The following DERA variants were observed in gnomAD, a reference collection of about 807,000 sequenced individuals.
DERA encodes 2-deoxy-D-ribose 5-phosphate aldolase.
A neutral mutation model predicts 41.1 loss-of-function variants in DERA; 15 were observed. That is an observed-to-expected ratio of 0.37 (90% confidence interval 0.24 to 0.56). DERA has a LOEUF of 0.56. Among genes scored for constraint, DERA ranks in the 20% least tolerant of loss-of-function variants. DERA has a pLI of 0.81. For missense variants in DERA, 396 were observed against 403.4 expected, an observed-to-expected ratio of 0.98 and a Z score of 0.16; for synonymous variants, 139 against 137.4, an observed-to-expected ratio of 1.01 and a Z score of -0.08.
At chr12:16,024,029 A>T (rs936621942) in intron 6 of DERA, among the ~76,000 whole-genome samples, 1 of 152,232 alleles carries the variant, frequency 6.6e-6, no homozygotes, top group African/African-American at 2.4e-5. Context: ...TACATCAGTA[A>T]GCTGGAAACT....
rs2136137730 is a variant in DERA, at chr12:15,943,848, AC to A, written c.32-13087del. ...TAGCCATTAACTCGTCATTTACATTACGTATTTCTCCTAATGCTATCCCTCC... is the reference window on the plus strand; with the variant it reads ...TAGCCATTAACTCGTCATTTACATTAGTATTTCTCCTAATGCTATCCCTCC... On this transcript the variant is annotated intron_variant, in intron 1 of 8. Coordinates refer to ENST00000428559, the MANE Select transcript of DERA (RefSeq NM_015954.4). The surrounding 1 kb of genome is among the most constrained non-coding windows in gnomAD (Gnocchi z 4.5). Among the ~76,000 whole-genome samples the A allele has an allele frequency of 6.6e-6, 1 of 150,766 alleles. No individual in the cohort carries two copies. Among genetic ancestry groups the A allele is most frequent in the African/African-American group, 2.4e-5 (1 of 41,106 alleles).
rs924858009 is a variant in DERA at position 15,954,376 on chromosome 12, T to G, written c.32-2560T>G. On this transcript the variant is annotated intron_variant, in intron 1 of 8. Coordinates refer to ENST00000428559, the MANE Select transcript of DERA (RefSeq NM_015954.4). The surrounding 1 kb of genome is among the most constrained non-coding windows in gnomAD (Gnocchi z 4.0). The stretch of plus-strand genomic sequence containing the variant: ...TCAGTGGCATTCTGAGTGAAGGGGA[T>G]GTACTAAAGGTGGAATGCAGAGTTT... 6.6e-6 allele frequency among the ~76,000 whole-genome samples: 1 copy of G among 152,112 alleles called. No homozygotes were observed. The highest frequency in any genetic ancestry group is 2.4e-5 in the African/African-American group (1 of 41,414).
At chr12:15,953,470 A>G (rs527697566) in intron 1 of DERA, among the ~76,000 whole-genome samples, 2 of 152,178 alleles carry the variant, frequency 1.3e-5, no homozygotes, top group Non-Finnish European at 2.9e-5. Flanking sequence ...ATAATAATAA[A>G]TTGTGAGAAG....
intron 1 of DERA, among the ~76,000 whole-genome samples, chr12:15,925,822 CTTT>C (rs35956433): frequency 0.025 from 2,378 of 95,036 alleles, 43 homozygotes; most frequent in African/African-American, 0.095. Context: ...ACTCCTGAGG[CTTT>C]TTTTTTTTTT....
In DERA at chr12:15,982,515, C is replaced by A; in HGVS notation, c.637+79C>A. ...AAATTAAGTAAGTGAAAGCATTTAG[C>A]TATTATTAAACGTGCTAACCACTTG... On this transcript the variant is annotated intron_variant, in intron 6 of 8. Coordinates refer to ENST00000428559, the MANE Select transcript of DERA (RefSeq NM_015954.4). This position sits in a 1 kb window ranked among gnomAD's most constrained non-coding sequence, Gnocchi z 4.0. 1 of 1,447,088 alleles carries A rather than the reference C, an allele frequency of 6.9e-7. No individual in the cohort carries two copies. The highest frequency in any genetic ancestry group is 9.2e-7 in the Non-Finnish European group (1 of 1,082,530). The allele number at this position is 1,447,088 out of a possible 1,614,324, so 89.6% of individuals were successfully genotyped here. A position where few individuals can be genotyped will look rare whatever the true frequency, so the allele number is the denominator to read the frequency against.
rs925966649 is a variant in DERA, at chr12:15,995,066, T to C, written c.637+12630T>C. On this transcript the variant is annotated intron_variant, in intron 6 of 8. Coordinates refer to ENST00000428559, the MANE Select transcript of DERA (RefSeq NM_015954.4). This position sits in a 1 kb window ranked among gnomAD's most constrained non-coding sequence, Gnocchi z 5.1. ...CTTTTGACTCTAAACTCCATGCTTT[T>C]ATTAATGCACAACCCTGCTCTCTAT... 3.3e-5 allele frequency among the ~76,000 whole-genome samples: 5 copies of C among 152,216 alleles called. No homozygotes were observed. The highest frequency in any genetic ancestry group is 7.3e-5 in the Non-Finnish European group (5 of 68,042).
chr12:16,003,189 C>T lies in DERA; in HGVS notation c.637+20753C>T, dbSNP rs539292402. Among the ~76,000 whole-genome samples, 2 of 152,282 alleles carry T rather than the reference C, an allele frequency of 1.3e-5. No individual in the cohort carries two copies. The highest frequency in any genetic ancestry group is 4.1e-4 in the South Asian group (2 of 4,824). ...TTTCTTGGCTTGTAGAAGCCTCACCCTGGTCTCTGCCTTTGTGATGATATG... is the reference window on the plus strand; with the variant it reads ...TTTCTTGGCTTGTAGAAGCCTCACCTTGGTCTCTGCCTTTGTGATGATATG... On this transcript the variant is annotated intron_variant, in intron 6 of 8. Transcript: ENST00000428559. The surrounding 1 kb of genome is among the most constrained non-coding windows in gnomAD (Gnocchi z 4.8).
At chr12:16,006,182 T>A (rs896553095) in intron 6 of DERA, among the ~76,000 whole-genome samples, 1 of 152,216 alleles carries the variant, frequency 6.6e-6, no homozygotes, top group Non-Finnish European at 1.5e-5. Context: ...GAGCTGAGAC[T>A]GTAGGTGACA....
intron 6 of DERA, among the ~76,000 whole-genome samples, chr12:16,005,915 C>G (rs926945286): frequency 1.3e-5 from 2 of 152,164 alleles, no homozygotes; most frequent in African/African-American, 4.8e-5. Flanking sequence ...CATAAGCATG[C>G]AGGTATAAGT....
rs200017246 is a variant in DERA at position 15,976,808 on chromosome 12, GA to G, written c.509-5495del. ...AAGCTCTCCTATCTAATCTTGAGGA[GA>G]AAAATGAAGCTTGGAGAGGTTCAGT... On this transcript the variant is annotated intron_variant, in intron 5 of 8. Coordinates refer to ENST00000428559, the MANE Select transcript of DERA (RefSeq NM_015954.4). The surrounding 1 kb of genome is among the most constrained non-coding windows in gnomAD (Gnocchi z 4.1). 9.5e-3 allele frequency among the ~76,000 whole-genome samples: 1,448 copies of G among 152,224 alleles called. 24 individuals carry two copies. The highest frequency in any genetic ancestry group is 0.034 in the African/African-American group (1,399 of 41,524).
At position 16,022,505 on chromosome 12, in the gene DERA, C is replaced by T. The variant is rs911953069; in HGVS notation, c.638-10037C>T. On this transcript the variant is annotated intron_variant, in intron 6 of 8. Transcript: ENST00000428559. ...ATAACTACCAGATACATTCTTATTT[C>T]CCCCCACACCTAATCTCTAGACAAT... Among the ~76,000 whole-genome samples the T allele has an allele frequency of 3.9e-5, 6 of 152,190 alleles. 1 individual carries two copies. The South Asian group carries it at 1.2e-3, about 32-fold the overall frequency.
Position 15,984,177 on chromosome 12 carries a change from G to A in DERA, c.637+1741G>A, listed in dbSNP as rs559251536. On this transcript the variant is annotated intron_variant, in intron 6 of 8. Coordinates refer to ENST00000428559, the MANE Select transcript of DERA (RefSeq NM_015954.4). The surrounding 1 kb of genome is among the most constrained non-coding windows in gnomAD (Gnocchi z 4.5). ...CTGAGATACTCCTCAGGGTCACATC[G>A]GAGCCAATCTTGTGATACCTGTTAC... is the stretch of plus-strand genomic sequence containing the variant. Among the ~76,000 whole-genome samples the A allele has an allele frequency of 9.2e-5, 14 of 152,224 alleles. No individual in the cohort carries two copies. Among genetic ancestry groups the A allele is most frequent in the Non-Finnish European group, 1.5e-4 (10 of 68,002 alleles).
rs1031659584 is a variant in DERA, at chr12:15,954,971, A to C, written c.32-1965A>C. Among the ~76,000 whole-genome samples, 2 of 151,854 alleles carry C rather than the reference A, an allele frequency of 1.3e-5. No homozygotes were observed. Among genetic ancestry groups the C allele is most frequent in the Non-Finnish European group, 2.9e-5 (2 of 67,972 alleles). ...TTGAAACAGTCTTTACCATGAACCA[A>C]ATCAGCATTATCAATCATCTGAGGA... On this transcript the variant is annotated intron_variant, in intron 1 of 8. Coordinates refer to ENST00000428559, the MANE Select transcript of DERA (RefSeq NM_015954.4). This position sits in a 1 kb window ranked among gnomAD's most constrained non-coding sequence, Gnocchi z 4.0.
rs1423067416 is a variant in DERA, at chr12:15,979,993, GC to G, written c.509-2313del. ...AACTGCTGTAATAAAATACTTTCCA[GC>G]CTTGTCTGATGGCTCACTGATTGTA... On this transcript the variant is annotated intron_variant, in intron 5 of 8. Transcript: ENST00000428559. Among the ~76,000 whole-genome samples the G allele has an allele frequency of 3.9e-5, 6 of 152,326 alleles. No homozygotes were observed. In the South Asian group the frequency reaches 1.2e-3, roughly 32 times the overall value.
At chr12:15,956,696 G>A in intron 1 of DERA, 1 of 559,940 alleles carries the variant, frequency 1.8e-6, no homozygotes, top group Non-Finnish European at 3.4e-6. Flanking sequence ...GGCTGGTACA[G>A]AAGCAATTGT....
intron 6 of DERA, among the ~76,000 whole-genome samples, chr12:16,022,666 A>G (rs576071543): frequency 5.3e-5 from 8 of 152,332 alleles, no homozygotes; most frequent in African/African-American, 1.4e-4. Context: ...AGACCCATCA[A>G]AGACCTGAGG....
chr12:15,985,484 T>C lies in DERA; in HGVS notation c.637+3048T>C, dbSNP rs1315824892. On this transcript the variant is annotated intron_variant, in intron 6 of 8. Coordinates refer to ENST00000428559, the MANE Select transcript of DERA (RefSeq NM_015954.4). This position sits in a 1 kb window ranked among gnomAD's most constrained non-coding sequence, Gnocchi z 4.2. ...TTTCCTTTCCTGTTGTTGTTTTTGC[T>C]TTTCTTTCCTCCTCTGCTTGTTCAT... 6.6e-6 allele frequency: 1 copy of C among 152,166 alleles called. No homozygotes were observed. Among genetic ancestry groups the C allele is most frequent in the African/African-American group, 2.4e-5 (1 of 41,452 alleles). The allele number at this position is 152,166 out of a possible 1,614,324, so 9.4% of individuals were successfully genotyped here. A position where few individuals can be genotyped will look rare whatever the true frequency, so the allele number is the denominator to read the frequency against.
rs1328454888 is a variant in DERA, at chr12:15,915,991, G to A, written c.31+4577G>A. On this transcript the variant is annotated intron_variant, in intron 1 of 8. Transcript: ENST00000428559. This position sits in a 1 kb window ranked among gnomAD's most constrained non-coding sequence, Gnocchi z 4.8. ...GTGCTAACTGGGAGCACTACACCCT[G>A]ATGTCAGAAGAGTCAAATAGATAAC... 2.0e-5 allele frequency: 3 copies of A among 152,198 alleles called. No individual in the cohort carries two copies. Among genetic ancestry groups the A allele is most frequent in the African/African-American group, 7.2e-5 (3 of 41,434 alleles). The allele number at this position is 152,198 out of a possible 1,614,324, so 9.4% of individuals were successfully genotyped here. A position where few individuals can be genotyped will look rare whatever the true frequency, so the allele number is the denominator to read the frequency against.
intron 6 of DERA, among the ~76,000 whole-genome samples, chr12:16,015,827 T>C (rs1487865067): frequency 6.6e-6 from 1 of 152,208 alleles, no homozygotes; most frequent in African/African-American, 2.4e-5. Flanking sequence ...ATTGATTATA[T>C]GTGTTTGCCA....
Sources: gnomAD v4.1 joint callset for allele counts (sites outside exome capture counted in the v4.1 genomes callset) on GRCh38, gnomAD v4.1.1 for gene constraint, Gnocchi (gnomAD v3.1) non-coding constraint, MANE v1.5 for transcripts, NCBI Gene and HGNC (gene_info 2026-07-23, HGNC 2026-07-21) for gene names.